MICAL3: variants seen among roughly 807,000 people sequenced by gnomAD.
MICAL3 encodes microtubule associated monooxygenase, calponin and LIM domain containing 3.
In MICAL3, 62 loss-of-function variants were observed where a neutral mutation model predicts 207.4. The ratio of observed to expected loss-of-function variants is 0.30; its 90% confidence interval spans 0.24 to 0.37. MICAL3 has a LOEUF of 0.37. Ranked by LOEUF, MICAL3 falls within the 10% of genes least tolerant of loss-of-function variation. MICAL3 has a pLI of 1.00. For missense variants in MICAL3, 2,368 were observed against 2,635.6 expected, an observed-to-expected ratio of 0.90 and a Z score of 2.22; for synonymous variants, 1,077 against 1,069.3, an observed-to-expected ratio of 1.01 and a Z score of -0.14.
At chr22:17,835,251 C>T (rs540848149) in intron 20 of MICAL3, among the ~76,000 whole-genome samples, 1 of 120,762 alleles carries the variant, frequency 8.3e-6, no homozygotes, top group South Asian at 2.6e-4. Context: ...AGCTCAAGGA[C>T]CACGGGAGCA....
chr22:17,909,125 C>G (rs1051556813), intron 1 of MICAL3, among the ~76,000 whole-genome samples: 2 of 152,224 alleles, frequency 1.3e-5, no homozygotes, highest in Admixed American at 6.5e-5. Context: ...ACACAACACT[C>G]GTCACATAAT....
At chr22:17,808,667 TCAGA>T (rs2145983874) in intron 29 of MICAL3, among the ~76,000 whole-genome samples, 173 bp downstream of exon 29, 1 of 152,282 alleles carries the variant, frequency 6.6e-6, no homozygotes, top group African/African-American at 2.4e-5. Context: ...TGGGGCTGTC[TCAGA>T]CAGGTATTTT....
At chr22:17,839,094 T>A (rs1467102244) in intron 20 of MICAL3, among the ~76,000 whole-genome samples, 1 of 151,388 alleles carries the variant, frequency 6.6e-6, no homozygotes, top group Non-Finnish European at 1.5e-5. Context: ...CCTGAGTAGT[T>A]GGGATTACAG....
At chr22:17,901,323 T>TA (rs1240553562) in intron 5 of MICAL3, among the ~76,000 whole-genome samples, 7 of 152,118 alleles carry the variant, frequency 4.6e-5, no homozygotes, top group African/African-American at 1.7e-4. Flanking sequence ...GTCCTACAGG[T>TA]GCCAGCCACT....
Position 17,969,415 on chromosome 22 carries a change from G to A in MICAL3, c.-75+54866C>T, listed in dbSNP as rs532359039. Among the ~76,000 whole-genome samples the A allele has an allele frequency of 2.0e-4, 30 of 152,316 alleles. No homozygotes were observed. The South Asian group carries it at 4.3e-3, about 22-fold the overall frequency. The stretch of plus-strand genomic sequence containing the variant: ...GAAATGTAAAATGAGCAGTTTGTCC[G>A]CAGATCGTGCTTCTTGGGTTGGTCT... On this transcript the variant is annotated intron_variant, in intron 1 of 31. Transcript: ENST00000441493.
intron 29 of MICAL3, among the ~76,000 whole-genome samples, chr22:17,807,961 T>C (rs939063299): frequency 6.6e-6 from 1 of 152,228 alleles, no homozygotes; most frequent in Admixed American, 6.5e-5. Context: ...GAGACGGAAG[T>C]TCCCCCATCC....
chr22:17,945,754 A>G (rs371909781), intron 1 of MICAL3, among the ~76,000 whole-genome samples: 13 of 152,228 alleles, frequency 8.5e-5, no homozygotes, highest in African/African-American at 3.1e-4. Flanking sequence ...CAAAGACTAC[A>G]GCCAAAGCTT....
intron 1 of MICAL3, among the ~76,000 whole-genome samples, chr22:17,989,079 C>A (rs1387624264): frequency 1.3e-5 from 2 of 152,238 alleles, no homozygotes; most frequent in African/African-American, 4.8e-5. Flanking sequence ...TAAAACTCGA[C>A]TTCCGCCGTC....
chr22:17,874,488 C>G (rs1000989758), intron 16 of MICAL3, among the ~76,000 whole-genome samples: 6 of 152,198 alleles, frequency 3.9e-5, no homozygotes, highest in Non-Finnish European at 5.9e-5. Flanking sequence ...CCCTTTTCTC[C>G]TGAACTAAAC....
At chr22:17,844,970 T>C (rs1924478629) in intron 19 of MICAL3, among the ~76,000 whole-genome samples, 1 of 152,032 alleles carries the variant, frequency 6.6e-6, no homozygotes, top group African/African-American at 2.4e-5. Context: ...ATCCCTTCCT[T>C]CTCCTCATCA....
intron 1 of MICAL3, among the ~76,000 whole-genome samples, chr22:17,958,697 GTTTT>G (rs1380547196): frequency 7.1e-6 from 1 of 140,114 alleles, no homozygotes; most frequent in Non-Finnish European, 1.5e-5. Context: ...GAGTTGTTGG[GTTTT>G]TTTATTTTTT....
chr22:17,989,929 T>G (rs1158774497), intron 1 of MICAL3, among the ~76,000 whole-genome samples: 1 of 152,190 alleles, frequency 6.6e-6, no homozygotes, highest in Non-Finnish European at 1.5e-5. Context: ...TCCCCATAAC[T>G]GTTGTGTATA....
At chr22:17,969,585 T>A (rs1279989639) in intron 1 of MICAL3, among the ~76,000 whole-genome samples, 1 of 152,232 alleles carries the variant, frequency 6.6e-6, no homozygotes, top group Non-Finnish European at 1.5e-5. Context: ...TTGGTTTATC[T>A]TAGAAATGAT....
At chr22:17,896,132 TTTAA>T (rs1333860953) in intron 9 of MICAL3, 110 bp downstream of exon 9, 3 of 600,090 alleles carry the variant, frequency 5.0e-6, no homozygotes, top group South Asian at 2.4e-5. Context: ...TGAAAACATC[TTTAA>T]TTAAGAAGGC....
intron 2 of MICAL3, among the ~76,000 whole-genome samples, chr22:17,906,259 T>G (rs1931711927): frequency 6.6e-6 from 1 of 152,150 alleles, no homozygotes; most frequent in African/African-American, 2.4e-5. Context: ...GTCATGCAAG[T>G]CAAACAAAAA....
At chr22:17,976,589 A>ATATTTT (rs1231976773) in intron 1 of MICAL3, among the ~76,000 whole-genome samples, 5 of 67,126 alleles carry the variant, frequency 7.4e-5, no homozygotes, top group African/African-American at 1.3e-4. Flanking sequence ...ATATATATAT[A>ATATTTT]TTTTTTTTTT....
At chr22:17,802,438 G>T (rs915358172) in intron 29 of MICAL3, among the ~76,000 whole-genome samples, 1 of 152,212 alleles carries the variant, frequency 6.6e-6, no homozygotes, top group Admixed American at 6.5e-5. Flanking sequence ...GATGGGAAAA[G>T]CGTCTGTTAA....
At chr22:17,866,665 GAATAT>G (rs1927182992) in intron 17 of MICAL3, among the ~76,000 whole-genome samples, 1 of 151,112 alleles carries the variant, frequency 6.6e-6, no homozygotes, top group Non-Finnish European at 1.5e-5. Flanking sequence ...GAATAGAATA[GAATAT>G]AGAATAGAAT....
intron 16 of MICAL3, chr22:17,875,645 CT>C: frequency 1.8e-6 from 1 of 564,958 alleles, no homozygotes; most frequent in Non-Finnish European, 2.9e-6. Flanking sequence ...GTTGTAGAGC[CT>C]TTTACTCTAG....
Sources: allele counts gnomAD v4.1 joint callset (sites outside exome capture counted in the v4.1 genomes callset), GRCh38; gene constraint gnomAD v4.1.1; transcripts MANE v1.5; gene names NCBI Gene and HGNC (gene_info 2026-07-23, HGNC 2026-07-21).